NCAPH: variants seen among roughly 807,000 people sequenced by gnomAD.
NCAPH encodes the protein non-SMC condensin I complex subunit H.
Under a neutral mutation model 85.5 loss-of-function variants are expected in NCAPH, and 38 were observed. That is an observed-to-expected ratio of 0.44 (90% CI 0.34 to 0.58). NCAPH has a LOEUF of 0.58. Among genes scored for constraint, NCAPH ranks in the 20% least tolerant of loss-of-function variants. NCAPH has a pLI of 0.01. For missense variants in NCAPH, 789 were observed against 916.6 expected (o/e 0.86, Z 1.80); for synonymous variants, 301 against 335.1 (o/e 0.90, Z 1.11).
At chr2:96,364,735 C>T in intron 13 of NCAPH, 144 bp downstream of exon 13, 1 of 631,506 alleles carries the variant, frequency 1.6e-6, no homozygotes, top group Non-Finnish European at 2.8e-6. Flanking sequence ...GTCTGCCTTC[C>T]ACCCAGTGCA....
At chr2:96,348,815 T>G (rs2064397293) in intron 6 of NCAPH, among the ~76,000 whole-genome samples, 1 of 151,916 alleles carries the variant, frequency 6.6e-6, no homozygotes, top group African/African-American at 2.4e-5. Flanking sequence ...CCCAGCTAAA[T>G]TTTTTTGTAT....
At chr2:96,348,718 C>T (rs191458747) in intron 6 of NCAPH, among the ~76,000 whole-genome samples, 146 of 152,028 alleles carry the variant, frequency 9.6e-4, no homozygotes, top group African/African-American at 3.3e-3. Context: ...TGCAGTGGCA[C>T]GATGTTGGCT....
At chr2:96,343,140 G>A (rs992315779) in intron 4 of NCAPH, 26 bp from the exon 5 acceptor site, 1 of 1,609,160 alleles carries the variant, frequency 6.2e-7, no homozygotes, top group East Asian at 2.2e-5. Context: ...GTATCTTTGT[G>A]AGTGCAGCTC....
intron 9 of NCAPH, among the ~76,000 whole-genome samples, chr2:96,355,864 G>C (rs1328682213): frequency 6.6e-6 from 1 of 151,918 alleles, no homozygotes; most frequent in East Asian, 1.9e-4. Flanking sequence ...TCGATCTCCT[G>C]ACCTCATGAT....
intron 5 of NCAPH, 59 bp from the exon 6 acceptor site, chr2:96,344,046 A>G: frequency 6.4e-7 from 1 of 1,560,848 alleles, no homozygotes; most frequent in Non-Finnish European, 8.6e-7. Flanking sequence ...TTGAGTTAGT[A>G]AGTTCATCAC....
At chr2:96,341,935 T>C in intron 2 of NCAPH, 41 bp downstream of exon 2, 1 of 1,604,944 alleles carries the variant, frequency 6.2e-7, no homozygotes, top group South Asian at 1.1e-5. Flanking sequence ...GGCAGCCGCC[T>C]TGATATGGGC....
chr2:96,357,802 T>C (rs1220978701), intron 9 of NCAPH, among the ~76,000 whole-genome samples: 1 of 152,216 alleles, frequency 6.6e-6, no homozygotes, highest in Non-Finnish European at 1.5e-5. Context: ...TAAAAGCCTT[T>C]TTAGCTTATT....
intron 1 of NCAPH, 50 bp from the exon 2 acceptor site, chr2:96,341,592 A>T: frequency 2.5e-6 from 4 of 1,580,670 alleles, no homozygotes; most frequent in Non-Finnish European, 3.4e-6. Context: ...ACTTCTTTGG[A>T]TATAGGAAAT....
intron 9 of NCAPH, among the ~76,000 whole-genome samples, chr2:96,358,530 G>A (rs533322204): frequency 3.0e-4 from 46 of 151,922 alleles, no homozygotes; most frequent in African/African-American, 1.0e-3. Context: ...GTGCAGTGGC[G>A]CGATCTCGGC....
intron 9 of NCAPH, among the ~76,000 whole-genome samples, chr2:96,355,537 C>G (rs1457980919): frequency 6.6e-6 from 1 of 152,160 alleles, no homozygotes; most frequent in Admixed American, 6.5e-5. Context: ...ATCAAGGCGC[C>G]ACTGCCCATC....
intron 3 of NCAPH, among the ~76,000 whole-genome samples, chr2:96,342,401 A>G (rs916588806): frequency 2.0e-5 from 3 of 152,184 alleles, no homozygotes; most frequent in Non-Finnish European, 4.4e-5. Flanking sequence ...TGGAGGCTAC[A>G]TGCTTCTAAG....
At chr2:96,339,330 C>A (rs1038375483) in intron 1 of NCAPH, among the ~76,000 whole-genome samples, 7 of 152,104 alleles carry the variant, frequency 4.6e-5, no homozygotes, top group African/African-American at 1.7e-4. Flanking sequence ...TGGTGGCTCA[C>A]GCCTGTAATT....
intron 16 of NCAPH, 59 bp from the exon 17 acceptor site, chr2:96,369,366 G>T: frequency 1.4e-6 from 2 of 1,413,098 alleles, no homozygotes; most frequent in South Asian, 2.3e-5. Flanking sequence ...CATACTTGAT[G>T]AACGAGCTTT....
chr2:96,367,032 GT>G (rs1353556671), intron 14 of NCAPH, among the ~76,000 whole-genome samples: 1 of 152,156 alleles, frequency 6.6e-6, no homozygotes, highest in African/African-American at 2.4e-5. Flanking sequence ...GGAGGCGGAG[GT>G]TGCAGTGAGC....
In NCAPH at chr2:96,375,602, T is replaced by C. The variant is rs2064823587; in HGVS notation, c.*2251T>C. Reference sequence around the variant, plus strand: ...AGCCTCTAGAACTGTGAACAATAAATCTATTGTTTATAAATTAAGCAGTCT... The same window carrying C: ...AGCCTCTAGAACTGTGAACAATAAACCTATTGTTTATAAATTAAGCAGTCT... On this transcript the variant is annotated 3_prime_UTR_variant, in exon 18 of 18. Transcript: ENST00000240423. Among the ~76,000 whole-genome samples, 1 of 152,190 alleles carries C rather than the reference T, an allele frequency of 6.6e-6. No individual in the cohort carries two copies. The highest frequency in any genetic ancestry group is 2.4e-5 in the African/African-American group (1 of 41,442).
intron 17 of NCAPH, among the ~76,000 whole-genome samples, chr2:96,371,905 T>G (rs991137719): frequency 2.6e-5 from 4 of 152,182 alleles, no homozygotes; most frequent in Non-Finnish European, 4.4e-5. Context: ...GATAACAGTC[T>G]CCCCTCACAT....
chr2:96,344,375 T>C, intron 6 of NCAPH, 146 bp downstream of exon 6: 1 of 877,840 alleles, frequency 1.1e-6, no homozygotes, highest in Admixed American at 3.7e-5. Flanking sequence ...TGCATTATCA[T>C]CTTTTAGCTT....
Position 96,341,677 on chromosome 2 carries a change from A to T in NCAPH, c.55A>T (p.Thr19Ser). 1 of 1,614,058 alleles carries T rather than the reference A, an allele frequency of 6.2e-7. No individual in the cohort carries two copies. Among genetic ancestry groups the T allele is most frequent in the Non-Finnish European group, 8.5e-7 (1 of 1,179,948 alleles). ...CACAATGAATAACTCTTCTTCAGAG[A>T]CGCGAGGACACCCCCACAGTGCCTC... ...PATMNNSSSETRGHPHSASSP... is the reference protein window; with the variant it reads ...PATMNNSSSESRGHPHSASSP... The change falls in exon 2 of 18, where the codon ACG becomes TCG. Residue 19 changes from threonine to serine, a missense_variant. Coordinates refer to ENST00000240423, the MANE Select transcript of NCAPH (RefSeq NM_015341.5).
chr2:96,362,974 G>A (rs566614372), intron 12 of NCAPH, among the ~76,000 whole-genome samples: 2 of 152,344 alleles, frequency 1.3e-5, no homozygotes, highest in South Asian at 4.1e-4. Flanking sequence ...CTATCAAACA[G>A]CATTGTATGC....
Sources: gnomAD v4.1 joint callset for allele counts (sites outside exome capture counted in the v4.1 genomes callset) on GRCh38, gnomAD v4.1.1 for gene constraint, MANE v1.5 for transcripts, NCBI Gene and HGNC (gene_info 2026-07-23, HGNC 2026-07-21) for gene names.